Variants in CIITA observed in about 807,000 individuals in gnomAD.
CIITA encodes the protein MHC class II transactivator.
CIITA carries 72 observed loss-of-function variants against 115.1 expected under a neutral mutation model. The observed-to-expected ratio is 0.63, with a 90% CI of 0.52 to 0.76. The LOEUF (loss-of-function observed/expected upper bound fraction) is 0.76. CIITA is among the 30% of genes least tolerant of loss of function. The pLI is 0.00. For synonymous variants in CIITA, 763 were observed against 635.6 expected (o/e 1.20, Z -3.02); for missense variants, 1,617 against 1,463.8 (o/e 1.10, Z -1.71).
intron 5 of CIITA, among the ~76,000 whole-genome samples, chr16:10,900,967 C>T (rs1034845164): frequency 1.3e-5 from 2 of 152,146 alleles, no homozygotes; most frequent in Admixed American, 6.5e-5. Flanking sequence ...GATTTACACT[C>T]CCCTCGTGTA....
intron 13 of CIITA, among the ~76,000 whole-genome samples, chr16:10,911,347 C>T (rs572102508): frequency 2.1e-4 from 22 of 106,212 alleles, no homozygotes; most frequent in Non-Finnish European, 3.3e-4. Context: ...TCCCCCTTTT[C>T]TTCTTTTTCT....
chr16:10,890,289 T>A (rs1482418229), intron 1 of CIITA, among the ~76,000 whole-genome samples: 5 of 133,836 alleles, frequency 3.7e-5, no homozygotes, highest in Non-Finnish European at 7.5e-5. Flanking sequence ...GTGGGGGCCT[T>A]TTTTTTTTTT....
At position 10,923,838 on chromosome 16, in the gene CIITA, G is replaced by T; in HGVS notation, c.*23-40G>T. On this transcript the variant is annotated intron_variant, in intron 19 of 19. Transcript: ENST00000324288. The surrounding 1 kb of genome is among the most constrained non-coding windows in gnomAD (Gnocchi z 5.2). ...GGTGTCAAGCTGCCCCTCCTAGAGT[G>T]TCCTGCCTAAACCCCCTCTCCTGGC... is the stretch of plus-strand genomic sequence containing the variant. 5.9e-6 allele frequency: 1 copy of T among 170,718 alleles called. No homozygotes were observed. Among genetic ancestry groups the T allele is most frequent in the Non-Finnish European group, 1.3e-5 (1 of 79,352 alleles). 10.6% of individuals were successfully genotyped at this position (170,718 alleles called of 1,614,324 possible). A position where few individuals can be genotyped will look rare whatever the true frequency, so the allele number is the denominator to read the frequency against.
At chr16:10,895,552 G>A (rs1350217051) in intron 2 of CIITA, 117 bp from the exon 3 acceptor site, 3 of 1,563,474 alleles carry the variant, frequency 1.9e-6, no homozygotes, top group Non-Finnish European at 2.6e-6. Flanking sequence ...TCCCACGTCT[G>A]TGGGACGCTC....
At position 10,925,431 on chromosome 16, in the gene CIITA, C is replaced by T. The variant is rs1461483249; in HGVS notation, c.*1576C>T. 6.6e-6 allele frequency: 1 copy of T among 152,332 alleles called. No individual in the cohort carries two copies. The highest frequency in any genetic ancestry group is 6.5e-5 in the Admixed American group (1 of 15,276). 9.4% of individuals were successfully genotyped at this position (152,332 alleles called of 1,614,324 possible). ...AAGTGATCCTCCCACCTCAGCCTCC[C>T]GAATAGCTGGGACTACAGGTGTGAG... On this transcript the variant is annotated 3_prime_UTR_variant, in exon 20 of 20. Coordinates refer to ENST00000324288, the MANE Select transcript of CIITA (RefSeq NM_000246.4).
intron 16 of CIITA, among the ~76,000 whole-genome samples, 186 bp downstream of exon 16, chr16:10,918,712 T>C (rs1047849563): frequency 2.0e-4 from 30 of 152,234 alleles, no homozygotes; most frequent in Admixed American, 6.5e-5. Flanking sequence ...TCCTAGCCGC[T>C]GTTTTCTTAC....
chr16:10,921,543 C>T lies in CIITA; in HGVS notation c.3150-624C>T, dbSNP rs997748421. 2.0e-5 allele frequency among the ~76,000 whole-genome samples: 3 copies of T among 152,336 alleles called. No individual in the cohort carries two copies. In the East Asian group the frequency reaches 5.8e-4, roughly 29 times the overall value. On this transcript the variant is annotated intron_variant, in intron 16 of 19. Transcript: ENST00000324288. Reference sequence around the variant, plus strand: ...TGTTATATCAGCATTGATTCATTTACTCCTCCCCACAATGACTCTATCATG... The same window carrying T: ...TGTTATATCAGCATTGATTCATTTATTCCTCCCCACAATGACTCTATCATG...
chr16:10,886,197 C>A (rs1307198054), intron 1 of CIITA, among the ~76,000 whole-genome samples: 1 of 152,116 alleles, frequency 6.6e-6, no homozygotes, highest in Admixed American at 6.5e-5. Context: ...CTCGGCCTCC[C>A]AAAGTGCTGG....
chr16:10,926,098 C>T lies in CIITA; in HGVS notation c.*2243C>T, dbSNP rs979723252. ...GGCAGTGGGAGCTGCCTGTTCAGCT[C>T]CAGCTCACCAGCCCCAGTGCCCACA... On this transcript the variant is annotated 3_prime_UTR_variant, in exon 20 of 20. Coordinates refer to ENST00000324288, the MANE Select transcript of CIITA (RefSeq NM_000246.4). 3 of 152,280 alleles carry T rather than the reference C, an allele frequency of 2.0e-5. No individual in the cohort carries two copies. The highest frequency in any genetic ancestry group is 7.2e-5 in the African/African-American group (3 of 41,446). 9.4% of individuals were successfully genotyped at this position (152,280 alleles called of 1,614,324 possible).
At chr16:10,913,250 GTTTCTTTCTTTCTTTCTTTCCCTCC>G (rs1161296466) in intron 13 of CIITA, among the ~76,000 whole-genome samples, 1 of 145,758 alleles carries the variant, frequency 6.9e-6, no homozygotes, top group Non-Finnish European at 1.5e-5. Flanking sequence ...TTCTTTCCCT[GTTTCTTTCTTTCTTTCTTTCCCTCC>G]TTTCTTTCTT....
At chr16:10,874,164 A>G (rs1263644872), upstream of CIITA, among the ~76,000 whole-genome samples, 6 of 151,882 alleles carry the variant, frequency 4.0e-5, no homozygotes, top group Non-Finnish European at 7.4e-5. Flanking sequence ...TTCTATTTTT[A>G]GTAGAGACAG....
Position 10,907,900 on chromosome 16 carries a change from C to T in CIITA, c.2408C>T (p.Ala803Val), listed in dbSNP as rs577781366. The T allele has an allele frequency of 8.5e-5, 135 of 1,586,068 alleles. No individual in the cohort carries two copies. The East Asian group carries it at 2.1e-3, about 25-fold the overall frequency. ...CGGCTGCAGCCGGGGACACTGCGGG[C>T]GCGGCAGCTGCTGGAGCTGCTGCAC... ...LKRLQPGTLRARQLLELLHCA... is the reference protein window; with the variant it reads ...LKRLQPGTLRVRQLLELLHCA... The change falls in exon 11 of 20, where the codon GCG (alanine) becomes GTG (valine). Residue 803 changes from alanine (A) to valine (V), a missense_variant. Physicochemically the swap from Ala to Val is moderately conservative, Grantham distance 64. Transcript: ENST00000324288. The surrounding 1 kb of genome is among the most constrained non-coding windows in gnomAD (Gnocchi z 5.0).
intron 16 of CIITA, among the ~76,000 whole-genome samples, chr16:10,918,853 G>C (rs1172751992): frequency 6.6e-6 from 1 of 152,176 alleles, no homozygotes; most frequent in Non-Finnish European, 1.5e-5. Context: ...CCTAGGGGTG[G>C]TGGCTTCTGG....
intron 13 of CIITA, among the ~76,000 whole-genome samples, chr16:10,914,558 T>A (rs746396932): frequency 4.6e-5 from 7 of 152,190 alleles, no homozygotes; most frequent in Non-Finnish European, 8.8e-5. Flanking sequence ...AATTGCAGAA[T>A]AAAAGACAGC....
chr16:10,872,259 A>G (rs1250777716), upstream of CIITA, among the ~76,000 whole-genome samples: 1 of 151,974 alleles, frequency 6.6e-6, no homozygotes, highest in Admixed American at 6.6e-5. Context: ...AGTAGCTAGG[A>G]TTACAGGCGC....
Position 10,935,025 on chromosome 16 carries a change from A to T in CIITA, c.*11170A>T, listed in dbSNP as rs1433270882. The T allele has an allele frequency of 6.6e-6, 1 of 152,284 alleles. No homozygotes were observed. The highest frequency in any genetic ancestry group is 6.5e-5 in the Admixed American group (1 of 15,290). The allele number at this position is 152,284 out of a possible 1,614,324, so 9.4% of individuals were successfully genotyped here. ...GCCATTGACACTGACCACGTCATTC[A>T]TTAAGCAAGCACCAACTATACATCA... On this transcript the variant is annotated 3_prime_UTR_variant, in exon 20 of 20. Coordinates refer to ENST00000324288, the MANE Select transcript of CIITA (RefSeq NM_000246.4).
chr16:10,902,506 A>G lies in CIITA; in HGVS notation c.629-152A>G, dbSNP rs2038850940. On this transcript the variant is annotated intron_variant, in intron 7 of 19. Coordinates refer to ENST00000324288, the MANE Select transcript of CIITA (RefSeq NM_000246.4). ...TGTGCCAACTGCTCTGCTAGGTGCT[A>G]AGAATTCCATCAGGGCAGGACAGAA... 3.1e-6 allele frequency: 3 copies of G among 970,130 alleles called. No homozygotes were observed. The South Asian group carries it at 4.3e-5, about 14-fold the overall frequency. The allele number at this position is 970,130 out of a possible 1,614,324, so 60.1% of individuals were successfully genotyped here.
Position 10,915,609 on chromosome 16 carries a change from G to A in CIITA, c.2928G>A (p.Leu976=). The A allele has an allele frequency of 1.2e-6, 2 of 1,614,126 alleles. No individual in the cohort carries two copies. Among genetic ancestry groups the A allele is most frequent in the Non-Finnish European group, 1.7e-6 (2 of 1,180,016 alleles). ...CAGGCCCCCAGGCTTTCCCCAAACT[G>A]GTGCGGATCCTCACGGCCTTTTCCT... ...PVSGPQAFPK[L]VRILTAFSSL... The change falls in exon 14 of 20, where the codon CTG becomes CTA. Residue 976 remains leucine (L), a synonymous_variant. Transcript: ENST00000324288.
At chr16:10,916,029 C>G (rs2039926947) in intron 14 of CIITA, among the ~76,000 whole-genome samples, 1 of 152,238 alleles carries the variant, frequency 6.6e-6, no homozygotes, top group Non-Finnish European at 1.5e-5. Flanking sequence ...TCATTTGCTG[C>G]TCTCAGCAAT....
Sources: allele counts gnomAD v4.1 joint callset (sites outside exome capture counted in the v4.1 genomes callset), GRCh38; gene constraint gnomAD v4.1.1; non-coding constraint Gnocchi (gnomAD v3.1); transcripts MANE v1.5; gene names NCBI Gene and HGNC (gene_info 2026-07-23, HGNC 2026-07-21).